The following UBR1 variants were observed in gnomAD, a reference collection of about 807,000 sequenced individuals.
UBR1 encodes ubiquitin protein ligase E3 component n-recognin 1, also known as E3 ubiquitin-protein ligase UBR1.
UBR1 carries 102 observed loss-of-function variants against 242.1 expected under a neutral mutation model. The observed-to-expected ratio is 0.42, with a 90% CI of 0.36 to 0.50. The LOEUF (loss-of-function observed/expected upper bound fraction) is 0.50. Among genes scored for constraint, UBR1 ranks in the 20% least tolerant of loss-of-function variants. UBR1 has a pLI of 0.01. For synonymous variants in UBR1, 675 were observed against 684.8 expected, an observed-to-expected ratio of 0.99 and a Z score of 0.22; for missense variants, 1,772 against 2,101.8, an observed-to-expected ratio of 0.84 and a Z score of 3.07.
At chr15:43,070,121 A>G (rs2033806517) in intron 5 of UBR1, among the ~76,000 whole-genome samples, 1 of 152,084 alleles carries the variant, frequency 6.6e-6, no homozygotes. Flanking sequence ...CATAGGTAGA[A>G]AAATTCTCAC....
At chr15:43,081,945 A>C (rs1386339984) in intron 3 of UBR1, among the ~76,000 whole-genome samples, 1 of 152,074 alleles carries the variant, frequency 6.6e-6, no homozygotes, top group Admixed American at 6.5e-5. Flanking sequence ...TAATAGGTAA[A>C]TTTAAAAATA....
At chr15:43,018,814 C>T (rs983330013) in intron 27 of UBR1, among the ~76,000 whole-genome samples, 2 of 152,150 alleles carry the variant, frequency 1.3e-5, no homozygotes, top group East Asian at 3.8e-4. Context: ...ACAGCAGATA[C>T]ATGTGCTTTT....
At chr15:43,021,591 G>T (rs959983739) in intron 26 of UBR1, among the ~76,000 whole-genome samples, 3 of 152,106 alleles carry the variant, frequency 2.0e-5, no homozygotes, top group Admixed American at 6.5e-5. Flanking sequence ...CAATGTAAAT[G>T]CTATGTAAAT....
chr15:42,970,098 A>G (rs1230004843), intron 40 of UBR1, among the ~76,000 whole-genome samples: 1 of 152,206 alleles, frequency 6.6e-6, no homozygotes, highest in Non-Finnish European at 1.5e-5. Context: ...AGACTATACT[A>G]CAAGGCCACA....
Position 43,019,668 on chromosome 15 carries a change from C to G in UBR1, c.2940+1607G>C, listed in dbSNP as rs556527161. ...TGCGATCTCGGCTCACTGCAACCTC[C>G]GCCCTCAGAGTTCAGGCGATTCTCC... On this transcript the variant is annotated intron_variant, in intron 27 of 46. Transcript: ENST00000290650. Among the ~76,000 whole-genome samples, 14 of 150,058 alleles carry G rather than the reference C, an allele frequency of 9.3e-5. No individual in the cohort carries two copies. In the South Asian group the frequency reaches 3.0e-3, roughly 32 times the overall value.
At chr15:43,031,777 C>T (rs1479894423) in intron 20 of UBR1, among the ~76,000 whole-genome samples, 1 of 152,192 alleles carries the variant, frequency 6.6e-6, no homozygotes, top group Non-Finnish European at 1.5e-5. Flanking sequence ...AATCCCAGCA[C>T]TTTGGGAGGC....
intron 26 of UBR1, 116 bp from the exon 27 acceptor site, chr15:43,021,491 T>C: frequency 1.2e-6 from 1 of 857,808 alleles, no homozygotes; most frequent in South Asian, 1.4e-5. Context: ...CTCAATTCCC[T>C]TATGTAAAAT....
chr15:43,006,851 T>G (rs2032839173), intron 30 of UBR1, among the ~76,000 whole-genome samples: 1 of 152,014 alleles, frequency 6.6e-6, no homozygotes, highest in African/African-American at 2.4e-5. Context: ...TTTGTTTGGA[T>G]CCTAAGTGAA....
At chr15:43,032,140 A>G (rs1322504969) in intron 20 of UBR1, among the ~76,000 whole-genome samples, 1 of 152,246 alleles carries the variant, frequency 6.6e-6, no homozygotes, top group Non-Finnish European at 1.5e-5. Flanking sequence ...TCAATAGGTT[A>G]GAATATAGTG....
chr15:42,976,957 TAC>T lies in UBR1; in HGVS notation c.4219-92_4219-91del, dbSNP rs558421140. ...ACTAAATGTGAAGGGCAGCAGATGCTACACAGTGTTTGTGTGTGTGTTTTTTA... is the reference window on the plus strand; with the variant it reads ...ACTAAATGTGAAGGGCAGCAGATGCTACAGTGTTTGTGTGTGTGTTTTTTA... On this transcript the variant is annotated intron_variant, in intron 38 of 46. Coordinates refer to ENST00000290650, the MANE Select transcript of UBR1 (RefSeq NM_174916.3). 1.5e-4 allele frequency: 204 copies of T among 1,379,182 alleles called. 1 individual carries two copies. In the Middle Eastern group the frequency reaches 2.2e-3, roughly 15 times the overall value. The allele number at this position is 1,379,182 out of a possible 1,614,324, so 85.4% of individuals were successfully genotyped here. A position where few individuals can be genotyped will look rare whatever the true frequency, so the allele number is the denominator to read the frequency against.
intron 14 of UBR1, among the ~76,000 whole-genome samples, chr15:43,043,653 G>C (rs75888856): frequency 2.0e-5 from 3 of 152,096 alleles, no homozygotes; most frequent in African/African-American, 4.8e-5. Context: ...CCGCATGTTG[G>C]CCAAGCTGGT....
intron 27 of UBR1, among the ~76,000 whole-genome samples, chr15:43,017,850 C>T (rs2033050670): frequency 6.6e-6 from 1 of 151,758 alleles, no homozygotes; most frequent in Non-Finnish European, 1.5e-5. Flanking sequence ...TAAAATCCTC[C>T]TCTCCCTGAT....
chr15:43,013,906 T>C (rs2032964734), intron 29 of UBR1, among the ~76,000 whole-genome samples: 1 of 148,814 alleles, frequency 6.7e-6, no homozygotes, highest in African/African-American at 2.5e-5. Context: ...TCTCCCTCTC[T>C]TTCCATGGTC....
At chr15:42,955,100 A>T (rs1244226383) in intron 44 of UBR1, among the ~76,000 whole-genome samples, 3 of 152,160 alleles carry the variant, frequency 2.0e-5, no homozygotes, top group Non-Finnish European at 4.4e-5. Context: ...CAGGAGGCAG[A>T]GGCTGCAGTG....
At chr15:43,029,033 C>T (rs1268725742) in intron 21 of UBR1, among the ~76,000 whole-genome samples, 1 of 152,022 alleles carries the variant, frequency 6.6e-6, no homozygotes, top group Non-Finnish European at 1.5e-5. Flanking sequence ...TGCAGTGAGC[C>T]AAGATTGTGC....
intron 42 of UBR1, among the ~76,000 whole-genome samples, chr15:42,962,602 G>T (rs1037564428): frequency 5.3e-5 from 8 of 152,082 alleles, no homozygotes; most frequent in African/African-American, 1.9e-4. Flanking sequence ...CGAGTCTCCT[G>T]CCTCAGCTTC....
chr15:42,950,713 G>C, intron 45 of UBR1: 1 of 312,608 alleles, frequency 3.2e-6, no homozygotes, highest in East Asian at 8.3e-5. Context: ...ACCTGGAGAG[G>C]GGAGGGAACC....
intron 12 of UBR1, among the ~76,000 whole-genome samples, chr15:43,051,836 G>A (rs1340254631): frequency 6.6e-6 from 1 of 152,166 alleles, no homozygotes. Context: ...GGAGAAAAGT[G>A]TGGACAGGGT....
chr15:42,989,919 G>T (rs1489158263), intron 34 of UBR1, 111 bp downstream of exon 34: 2 of 807,716 alleles, frequency 2.5e-6, no homozygotes, highest in Non-Finnish European at 4.0e-6. Context: ...CAAGATAATG[G>T]GATAAACTAT....
Sources: gnomAD v4.1 joint callset for allele counts (sites outside exome capture counted in the v4.1 genomes callset) on GRCh38, gnomAD v4.1.1 for gene constraint, MANE v1.5 for transcripts, NCBI Gene and HGNC (gene_info 2026-07-23, HGNC 2026-07-21) for gene names.